Variants in HCN4 observed in about 807,000 individuals in gnomAD.
HCN4 encodes potassium/sodium hyperpolarization-activated cyclic nucleotide-gated channel 4.
Under a neutral mutation model 76.9 loss-of-function variants are expected in HCN4, and 29 were observed. That is an observed-to-expected ratio of 0.38 (90% CI 0.28 to 0.51). The LOEUF (loss-of-function observed/expected upper bound fraction) is 0.51. Among genes scored for constraint, HCN4 ranks in the 20% least tolerant of loss-of-function variants. The probability of loss-of-function intolerance (pLI) is 0.90; values close to 1 mark genes in which losing one functional copy is unlikely to be tolerated. For synonymous variants in HCN4, 772 were observed against 762.5 expected (o/e 1.01, Z -0.21); for missense variants, 1,416 against 1,715.2 (o/e 0.83, Z 3.08).
At position 73,321,244 on chromosome 15, in the gene HCN4, G is replaced by A. The variant is rs2151213093; in HGVS notation, c.*1237C>T. On this transcript the variant is annotated 3_prime_UTR_variant, in exon 8 of 8. Coordinates refer to ENST00000261917, the MANE Select transcript of HCN4 (RefSeq NM_005477.3). ...CAGGCCTGACTGCTGCCAAAATCTG[G>A]TGTCTTCCTTCTGTACCATGCTTGG... 1 of 152,292 alleles carries A rather than the reference G, an allele frequency of 6.6e-6. No individual in the cohort carries two copies. The highest frequency in any genetic ancestry group is 1.5e-5 in the Non-Finnish European group (1 of 68,034). 9.4% of individuals were successfully genotyped at this position (152,292 alleles called of 1,614,324 possible).
intron 2 of HCN4, among the ~76,000 whole-genome samples, chr15:73,333,765 G>GT (rs2042946923): frequency 6.6e-6 from 1 of 152,142 alleles, no homozygotes; most frequent in African/African-American, 2.4e-5. Flanking sequence ...ACCTGACTGT[G>GT]GACATGAAAT....
intron 1 of HCN4, among the ~76,000 whole-genome samples, chr15:73,352,568 C>A (rs1221034440): frequency 1.3e-5 from 2 of 152,184 alleles, no homozygotes; most frequent in Non-Finnish European, 2.9e-5. Flanking sequence ...TGAGAGAGAG[C>A]TGGTCGGGGG....
At chr15:73,335,421 C>T (rs937371319) in intron 2 of HCN4, 34 of 152,398 alleles carry the variant, frequency 2.2e-4, no homozygotes, top group African/African-American at 7.7e-4. Flanking sequence ...TATTTAAAGT[C>T]GTAACTCAAG....
chr15:73,322,841 C>A lies in HCN4; in HGVS notation c.3252G>T (p.Lys1084Asn). 1 of 1,516,672 alleles carries A rather than the reference C, an allele frequency of 6.6e-7. No individual in the cohort carries two copies. The highest frequency in any genetic ancestry group is 1.3e-5 in the South Asian group (1 of 74,672). The allele number at this position is 1,516,672 out of a possible 1,614,324, so 94.0% of individuals were successfully genotyped here. A position where few individuals can be genotyped will look rare whatever the true frequency, so the allele number is the denominator to read the frequency against. The change falls in exon 8 of 8, where the codon AAG (lysine) becomes AAT (asparagine). Residue 1084 changes from lysine (K) to asparagine (N), a missense_variant. Transcript: ENST00000261917. ...LTPGRLTQDLKLISASQPALP... is the reference protein window; with the variant it reads ...LTPGRLTQDLNLISASQPALP... ...GGGCTGGCTGAGACGCGGAGATGAG[C>A]TTGAGGTCCTGGGTGAGGCGGCCGG...
At chr15:73,330,737 T>C (rs2042927925) in intron 3 of HCN4, among the ~76,000 whole-genome samples, 1 of 152,198 alleles carries the variant, frequency 6.6e-6, no homozygotes, top group Non-Finnish European at 1.5e-5. Flanking sequence ...CTTCGAGCCA[T>C]ATTCAAGGTC....
intron 4 of HCN4, among the ~76,000 whole-genome samples, chr15:73,326,720 G>A (rs1193302147): frequency 6.6e-6 from 1 of 152,100 alleles, no homozygotes; most frequent in Non-Finnish European, 1.5e-5. Context: ...CAGACGCCTT[G>A]ACTCTGGCCC....
intron 3 of HCN4, among the ~76,000 whole-genome samples, chr15:73,330,007 A>G (rs1296720565): frequency 6.6e-6 from 1 of 152,240 alleles, no homozygotes; most frequent in African/African-American, 2.4e-5. Flanking sequence ...ATGGGGGCAG[A>G]GATCAGACTG....
rs907615391 is a variant in HCN4 at position 73,328,397 on chromosome 15, C to T, written c.1590+1176G>A. Among the ~76,000 whole-genome samples, 2 of 151,894 alleles carry T rather than the reference C, an allele frequency of 1.3e-5. No homozygotes were observed. Among genetic ancestry groups the T allele is most frequent in the Non-Finnish European group, 2.9e-5 (2 of 68,004 alleles). On this transcript the variant is annotated intron_variant, in intron 4 of 7. Coordinates refer to ENST00000261917, the MANE Select transcript of HCN4 (RefSeq NM_005477.3). The surrounding 1 kb of genome is among the most constrained non-coding windows in gnomAD (Gnocchi z 4.0). The stretch of plus-strand genomic sequence containing the variant: ...CTGGTTATGCTCCTCAAATGCCAGG[C>T]TGGGAAAACATGCTGAGGAGTTAAT...
In HCN4 at chr15:73,343,605, G is replaced by A. The variant is rs370442588; in HGVS notation, c.989C>T (p.Pro330Leu). 2.9e-5 allele frequency: 47 copies of A among 1,614,116 alleles called. No individual in the cohort carries two copies. The highest frequency in any genetic ancestry group is 6.7e-5 in the East Asian group (3 of 44,872). ...CAGGTACTTCATTTTAATCCGCTGC[G>A]GGTCCAGGATGATCTCTGTGTTGTC... ...VEDNTEIILD[P>L]QRIKMKYLKS... Residue 330 changes from proline (P) to leucine (L), a missense_variant, in exon 2 of 8, where the codon CCG becomes CTG. This residue lies in a region of HCN4 where 23 missense variants were observed against 19.1 expected (regional missense o/e 1.21). Coordinates refer to ENST00000261917, the MANE Select transcript of HCN4 (RefSeq NM_005477.3). The surrounding 1 kb of genome is among the most constrained non-coding windows in gnomAD (Gnocchi z 5.7).
intron 1 of HCN4, among the ~76,000 whole-genome samples, chr15:73,359,058 C>G (rs1354353617): frequency 6.6e-6 from 1 of 152,174 alleles, no homozygotes; most frequent in Non-Finnish European, 1.5e-5. Flanking sequence ...TTCTGAAAGC[C>G]TCGTTCACGC....
At chr15:73,332,374 C>T in intron 2 of HCN4, 82 bp from the exon 3 acceptor site, 2 of 1,381,298 alleles carry the variant, frequency 1.4e-6, no homozygotes, top group East Asian at 2.3e-5. Flanking sequence ...CCTGGAGCTG[C>T]TGGTGGGCAC....
chr15:73,351,308 A>G (rs1400092232), intron 1 of HCN4, among the ~76,000 whole-genome samples: 2 of 151,898 alleles, frequency 1.3e-5, no homozygotes, highest in African/African-American at 2.4e-5. Context: ...ACTGACTCCC[A>G]TGGCCTTGTT....
intron 1 of HCN4, among the ~76,000 whole-genome samples, chr15:73,362,119 C>A (rs1054203363): frequency 6.6e-6 from 1 of 152,170 alleles, no homozygotes; most frequent in African/African-American, 2.4e-5. Context: ...AGCCAGCATG[C>A]GGGACCAGCA....
intron 1 of HCN4, among the ~76,000 whole-genome samples, chr15:73,353,412 G>A (rs150549571): frequency 8.1e-4 from 123 of 152,328 alleles, no homozygotes; most frequent in Middle Eastern, 3.4e-3. Flanking sequence ...AGATGTTTTG[G>A]AGATCAATGA....
chr15:73,360,787 C>G (rs2043101669), intron 1 of HCN4, among the ~76,000 whole-genome samples: 1 of 152,224 alleles, frequency 6.6e-6, no homozygotes, highest in South Asian at 2.1e-4. Context: ...GGTTACTGAT[C>G]TGTGAACCCA....
chr15:73,361,316 T>TG (rs970172058), intron 1 of HCN4, among the ~76,000 whole-genome samples: 1 of 152,138 alleles, frequency 6.6e-6, no homozygotes, highest in Admixed American at 6.5e-5. Flanking sequence ...TCCTAGCCCT[T>TG]GGGACTGCAG....
In HCN4 at chr15:73,332,098, G is replaced by T; in HGVS notation, c.1371+33C>A. 3 of 1,609,378 alleles carry T rather than the reference G, an allele frequency of 1.9e-6. 1 individual carries two copies. The highest frequency in any genetic ancestry group is 2.5e-6 in the Non-Finnish European group (3 of 1,176,900). ...CCTACCTCTGGAGAGCCCGCCTATG[G>T]CCCAGAGAGAGGACCGGGCTGGGCG... On this transcript the variant is annotated intron_variant, in intron 3 of 7. Coordinates refer to ENST00000261917, the MANE Select transcript of HCN4 (RefSeq NM_005477.3).
At chr15:73,360,361 C>A (rs778363425) in intron 1 of HCN4, among the ~76,000 whole-genome samples, 1 of 152,186 alleles carries the variant, frequency 6.6e-6, no homozygotes, top group Non-Finnish European at 1.5e-5. Context: ...GCTGCTCCCC[C>A]TCTTTGCTCC....
intron 1 of HCN4, among the ~76,000 whole-genome samples, chr15:73,355,987 C>T (rs1026253117): frequency 1.3e-5 from 2 of 152,156 alleles, no homozygotes; most frequent in African/African-American, 4.8e-5. Context: ...CCCCCAGGAA[C>T]CTTCTGTCCT....
Sources: gnomAD v4.1 joint callset for allele counts (sites outside exome capture counted in the v4.1 genomes callset) on GRCh38, gnomAD v4.1.1 for gene constraint, gnomAD v4.1.1 regional missense constraint, Gnocchi (gnomAD v3.1) non-coding constraint, MANE v1.5 for transcripts, NCBI Gene and HGNC (gene_info 2026-07-23, HGNC 2026-07-21) for gene names.